The following CTNND2 variants were observed in gnomAD, a reference collection of about 807,000 sequenced individuals.
CTNND2 encodes catenin delta-2.
CTNND2 carries 22 observed loss-of-function variants against 144.4 expected under a neutral mutation model. The observed-to-expected ratio is 0.15, with a 90% confidence interval of 0.11 to 0.22. The LOEUF (loss-of-function observed/expected upper bound fraction) is 0.22. Among genes scored for constraint, CTNND2 ranks in the 10% least tolerant of loss-of-function variants. The pLI is 1.00. For synonymous variants in CTNND2, 751 were observed against 695.6 expected, an observed-to-expected ratio of 1.08 and a Z score of -1.25; for missense variants, 1,353 against 1,618.8, an observed-to-expected ratio of 0.84 and a Z score of 2.82.
At chr5:11,820,288 T>C (rs1793240228) in intron 1 of CTNND2, among the ~76,000 whole-genome samples, 1 of 152,196 alleles carries the variant, frequency 6.6e-6, no homozygotes, top group South Asian at 2.1e-4. Context: ...CAACTTGAGA[T>C]CCAAGGCTGC....
At chr5:11,096,195 C>T (rs1167756911) in intron 15 of CTNND2, among the ~76,000 whole-genome samples, 2 of 152,002 alleles carry the variant, frequency 1.3e-5, no homozygotes, top group African/African-American at 4.8e-5. Flanking sequence ...ACTTTAAGTT[C>T]TGGGATACAC....
intron 2 of CTNND2, among the ~76,000 whole-genome samples, chr5:11,729,798 A>G (rs1008551400): frequency 1.3e-5 from 2 of 152,210 alleles, no homozygotes; most frequent in Admixed American, 1.3e-4. Context: ...TCCCATTTGG[A>G]GTGAAAAAGA....
At chr5:11,250,456 G>GCTCTCTCTCTCTCTCT (rs71595810) in intron 9 of CTNND2, among the ~76,000 whole-genome samples, 2 of 73,198 alleles carry the variant, frequency 2.7e-5, no homozygotes, top group Non-Finnish European at 2.4e-5. Context: ...TTTAAAGGGT[G>GCTCTCTCTCTCTCTCT]CTCTCTCTCT....
intron 1 of CTNND2, among the ~76,000 whole-genome samples, chr5:11,820,444 T>C (rs1331452317): frequency 6.6e-6 from 1 of 152,184 alleles, no homozygotes; most frequent in African/African-American, 2.4e-5. Flanking sequence ...ATAGTATCCA[T>C]ATTGCATTAA....
In CTNND2 at chr5:11,742,239, A is replaced by G. The variant is rs185696282; in HGVS notation, c.38-9967T>C. ...TGATGACTTCTAAACATTGCTTGTC[A>G]AATCTTGTTTCCCGTCCTGTTCCTT... On this transcript the variant is annotated intron_variant, in intron 1 of 21. Transcript: ENST00000304623. Among the ~76,000 whole-genome samples, 101 of 152,276 alleles carry G rather than the reference A, an allele frequency of 6.6e-4. 2 individuals carry two copies. The East Asian group carries it at 0.019, about 29-fold the overall frequency.
intron 3 of CTNND2, among the ~76,000 whole-genome samples, chr5:11,554,350 G>C (rs569410338): frequency 6.6e-6 from 1 of 152,128 alleles, no homozygotes; most frequent in Non-Finnish European, 1.5e-5. Flanking sequence ...ACAGACGAGA[G>C]ACATTTAGGT....
intron 9 of CTNND2, among the ~76,000 whole-genome samples, chr5:11,342,144 C>T (rs1754337724): frequency 6.6e-6 from 1 of 152,126 alleles, no homozygotes; most frequent in Non-Finnish European, 1.5e-5. Context: ...GAAAAAGCAG[C>T]ATTTGGAAAA....
At chr5:11,564,896 T>C (rs753448184) in intron 3 of CTNND2, 48 bp downstream of exon 3, 7 of 1,288,438 alleles carry the variant, frequency 5.4e-6, no homozygotes, top group Admixed American at 1.8e-5. Flanking sequence ...ACGATTTACT[T>C]GCAGGGGCAA....
chr5:11,731,777 A>G (rs1011384455), intron 2 of CTNND2, among the ~76,000 whole-genome samples: 6 of 152,130 alleles, frequency 3.9e-5, no homozygotes, highest in African/African-American at 1.4e-4. Context: ...AACCTCCCGG[A>G]TATATTTTAA....
intron 3 of CTNND2, among the ~76,000 whole-genome samples, chr5:11,558,424 G>A (rs988514917): frequency 2.6e-5 from 4 of 151,532 alleles, no homozygotes; most frequent in Non-Finnish European, 5.9e-5. Context: ...GGAGTGCAGT[G>A]GCACAATCTT....
At chr5:11,418,398 C>T (rs1762080746) in intron 3 of CTNND2, among the ~76,000 whole-genome samples, 1 of 152,042 alleles carries the variant, frequency 6.6e-6, no homozygotes, top group Admixed American at 6.6e-5. Flanking sequence ...AAGAGTGAAA[C>T]TCCGTCTCAA....
chr5:11,282,252 T>C (rs1747227283), intron 9 of CTNND2, among the ~76,000 whole-genome samples: 1 of 152,112 alleles, frequency 6.6e-6, no homozygotes. Context: ...TCGTCTGACA[T>C]TTCTAAGCTT....
intron 13 of CTNND2, among the ~76,000 whole-genome samples, chr5:11,113,762 C>A (rs542677322): frequency 2.4e-4 from 37 of 152,344 alleles, no homozygotes; most frequent in African/African-American, 8.7e-4. Flanking sequence ...TCCCACCAGA[C>A]TGAGCTGCTT....
At chr5:11,084,213 C>G (rs576485488) in intron 15 of CTNND2, among the ~76,000 whole-genome samples, 4 of 152,322 alleles carry the variant, frequency 2.6e-5, no homozygotes, top group African/African-American at 9.6e-5. Flanking sequence ...TCAGACATGA[C>G]AAAACATTGA....
intron 2 of CTNND2, among the ~76,000 whole-genome samples, chr5:11,701,717 G>A (rs1001792050): frequency 8.1e-5 from 12 of 147,528 alleles, no homozygotes; most frequent in Admixed American, 2.7e-4. Context: ...ATAAGCTCCT[G>A]TAGTATAAGT....
At chr5:10,997,463 G>A (rs377712045) in intron 18 of CTNND2, among the ~76,000 whole-genome samples, 7 of 152,010 alleles carry the variant, frequency 4.6e-5, no homozygotes, top group East Asian at 1.9e-4. Flanking sequence ...GTGGCAGTGC[G>A]TGCCTGTAAT....
intron 1 of CTNND2, among the ~76,000 whole-genome samples, chr5:11,849,715 T>C (rs1217558061): frequency 2.0e-5 from 3 of 152,192 alleles, no homozygotes; most frequent in Non-Finnish European, 2.9e-5. Flanking sequence ...GTTGGAGAAC[T>C]TGATGAAGTG....
intron 16 of CTNND2, among the ~76,000 whole-genome samples, chr5:11,029,672 T>C (rs188371265): frequency 6.6e-6 from 1 of 152,356 alleles, no homozygotes; most frequent in East Asian, 1.9e-4. Flanking sequence ...AGAAAATTTC[T>C]CTTTAATTAT....
chr5:10,990,855 C>T (rs139095339), intron 19 of CTNND2, among the ~76,000 whole-genome samples: 23 of 152,314 alleles, frequency 1.5e-4, no homozygotes, highest in African/African-American at 5.3e-4. Context: ...TGCCTGCTCG[C>T]GAGAAAAGGC....
Sources: allele counts gnomAD v4.1 joint callset (sites outside exome capture counted in the v4.1 genomes callset), GRCh38; gene constraint gnomAD v4.1.1; transcripts MANE v1.5; gene names NCBI Gene and HGNC (gene_info 2026-07-23, HGNC 2026-07-21).